PGM5: variants seen among roughly 807,000 people sequenced by gnomAD.
PGM5 encodes phosphoglucomutase-like protein 5.
A neutral mutation model predicts 59.2 loss-of-function variants in PGM5; 23 were observed. The observed-to-expected ratio is 0.39, with a 90% CI of 0.28 to 0.55. PGM5 has a LOEUF of 0.55. Among genes scored for constraint, PGM5 ranks in the 20% least tolerant of loss-of-function variants. The probability of loss-of-function intolerance (pLI) is 0.66; values close to 1 mark genes in which losing one functional copy is unlikely to be tolerated. For synonymous variants in PGM5, 214 were observed against 286.0 expected (o/e 0.75, Z 2.54); for missense variants, 574 against 748.3 (o/e 0.77, Z 2.72).
chr9:68,466,030 C>T, intron 7 of PGM5: 1 of 609,948 alleles, frequency 1.6e-6, no homozygotes, highest in South Asian at 2.0e-5. Flanking sequence ...AAATATTTCT[C>T]CTTCCCCATT....
intron 10 of PGM5, among the ~76,000 whole-genome samples, chr9:68,521,250 G>A (rs1824895989): frequency 6.6e-6 from 1 of 152,218 alleles, no homozygotes; most frequent in Non-Finnish European, 1.5e-5. Flanking sequence ...CATGAATTTG[G>A]AATAGCACTT....
chr9:68,434,076 G>A (rs1010789260), intron 6 of PGM5, among the ~76,000 whole-genome samples: 5 of 152,108 alleles, frequency 3.3e-5, no homozygotes, highest in Non-Finnish European at 7.4e-5. Context: ...CAGCACTTTG[G>A]GAGGCAGAGG....
intron 6 of PGM5, among the ~76,000 whole-genome samples, chr9:68,460,060 AG>A (rs1183283909): frequency 6.6e-6 from 1 of 152,168 alleles, no homozygotes; most frequent in Non-Finnish European, 1.5e-5. Context: ...TTGAAGATAG[AG>A]GAATGGAAGA....
chr9:68,403,867 A>G (rs11141432), intron 6 of PGM5, among the ~76,000 whole-genome samples: 10,342 of 152,258 alleles, frequency 0.068, 791 homozygotes, highest in East Asian at 0.41. Context: ...AACCCAATAC[A>G]TCTGTAATTT....
At chr9:68,441,841 A>G (rs1823533277) in intron 6 of PGM5, among the ~76,000 whole-genome samples, 1 of 149,726 alleles carries the variant, frequency 6.7e-6, no homozygotes, top group South Asian at 2.1e-4. Flanking sequence ...AATTGTCTAC[A>G]TAGAAAATCC....
intron 7 of PGM5, among the ~76,000 whole-genome samples, chr9:68,473,742 G>A (rs782729830): frequency 3.3e-5 from 5 of 152,128 alleles, no homozygotes; most frequent in African/African-American, 7.2e-5. Flanking sequence ...AGTTTCATGA[G>A]ATGTGGGACT....
At chr9:68,468,075 T>G (rs148095588) in intron 7 of PGM5, among the ~76,000 whole-genome samples, 38 of 152,082 alleles carry the variant, frequency 2.5e-4, no homozygotes, top group African/African-American at 8.9e-4. Context: ...GAATGTTTGT[T>G]ACATGAGCAA....
chr9:68,420,671 C>G lies in PGM5; in HGVS notation c.1043+28198C>G, dbSNP rs115097226. Among the ~76,000 whole-genome samples, 831 of 152,158 alleles carry G rather than the reference C, an allele frequency of 5.5e-3. 10 individuals carry two copies. Among genetic ancestry groups the G allele is most frequent in the African/African-American group, 0.018 (735 of 41,514 alleles). On this transcript the variant is annotated intron_variant, in intron 6 of 10. Coordinates refer to ENST00000396396, the MANE Select transcript of PGM5 (RefSeq NM_021965.4). ...TATTAATCTATGGCCAGATGTGGTA[C>G]CTTAGAGCCTATAGATCTTACTGTG...
intron 6 of PGM5, among the ~76,000 whole-genome samples, chr9:68,409,876 A>T (rs1171968473): frequency 6.6e-6 from 1 of 151,222 alleles, no homozygotes; most frequent in South Asian, 2.1e-4. Flanking sequence ...AAAGTATAAA[A>T]AAAAAAAAAA....
At chr9:68,528,183 C>T (rs573545668) in intron 10 of PGM5, among the ~76,000 whole-genome samples, 17 of 152,162 alleles carry the variant, frequency 1.1e-4, no homozygotes, top group Non-Finnish European at 8.8e-5. Context: ...TAATATTACC[C>T]AAACTTCTTT....
chr9:68,390,340 C>T (rs1309817736), intron 4 of PGM5, among the ~76,000 whole-genome samples: 7 of 152,098 alleles, frequency 4.6e-5, no homozygotes, highest in African/African-American at 1.4e-4. Flanking sequence ...AGCCTCATTG[C>T]CTGGTTTATA....
At chr9:68,434,644 A>C (rs923429203) in intron 6 of PGM5, among the ~76,000 whole-genome samples, 18 of 152,110 alleles carry the variant, frequency 1.2e-4, no homozygotes. Flanking sequence ...CATCTCTACT[A>C]AAAACACAAA....
chr9:68,401,031 ATTGT>A lies in PGM5; in HGVS notation c.1043+8559_1043+8562del, dbSNP rs551238754. Among the ~76,000 whole-genome samples, 277 of 152,004 alleles carry A rather than the reference ATTGT, an allele frequency of 1.8e-3. 2 individuals carry two copies. Among genetic ancestry groups the A allele is most frequent in the African/African-American group, 6.3e-3 (263 of 41,464 alleles). ...ATGCTGAGACTGGTTCAAGTCTGTAATTGTGTGTTTCTAAGAGTTGGTGTCTAAT... is the reference window on the plus strand; with the variant it reads ...ATGCTGAGACTGGTTCAAGTCTGTAAGTGTTTCTAAGAGTTGGTGTCTAAT... On this transcript the variant is annotated intron_variant, in intron 6 of 10. Coordinates refer to ENST00000396396, the MANE Select transcript of PGM5 (RefSeq NM_021965.4).
At chr9:68,483,776 A>G in intron 8 of PGM5, 89 bp from the exon 9 acceptor site, 1 of 1,219,416 alleles carries the variant, frequency 8.2e-7, no homozygotes, top group Non-Finnish European at 1.2e-6. Flanking sequence ...CCTTCCCTGG[A>G]AACAGAACCA....
rs368140946 is a variant in PGM5 at position 68,438,369 on chromosome 9, A to C, written c.1044-26724A>C. Among the ~76,000 whole-genome samples, 45 of 151,826 alleles carry C rather than the reference A, an allele frequency of 3.0e-4. 1 individual carries two copies. The South Asian group carries it at 7.7e-3, about 26-fold the overall frequency. Reference sequence around the variant, plus strand: ...TAGCTGTTTGAACATATTTTGAGACATGACTGTCAACCTCAGATGTGTATC... The same window carrying C: ...TAGCTGTTTGAACATATTTTGAGACCTGACTGTCAACCTCAGATGTGTATC... On this transcript the variant is annotated intron_variant, in intron 6 of 10. Transcript: ENST00000396396.
At chr9:68,517,745 G>A (rs186693317) in intron 10 of PGM5, among the ~76,000 whole-genome samples, 4 of 152,298 alleles carry the variant, frequency 2.6e-5, no homozygotes, top group Non-Finnish European at 5.9e-5. Flanking sequence ...CCCATATGAA[G>A]GACTTCTAAC....
At chr9:68,400,931 A>C (rs1405723059) in intron 6 of PGM5, among the ~76,000 whole-genome samples, 3 of 152,202 alleles carry the variant, frequency 2.0e-5, no homozygotes, top group Non-Finnish European at 4.4e-5. Flanking sequence ...TGAGGACTGG[A>C]TTCATTACCA....
At chr9:68,522,462 AG>A (rs1397605501) in intron 10 of PGM5, among the ~76,000 whole-genome samples, 1 of 152,198 alleles carries the variant, frequency 6.6e-6, no homozygotes, top group Non-Finnish European at 1.5e-5. Context: ...GAGAGTTCAG[AG>A]GGACCTGCTC....
chr9:68,378,209 T>A lies in PGM5; in HGVS notation c.272T>A (p.Leu91Gln). Residue 91 changes from leucine to glutamine, a missense_variant, in exon 2 of 11, where the codon CTG (leucine) becomes CAG (glutamine). By Grantham distance (113) the Leu-to-Gln change is moderately radical (BLOSUM62 -2). Around this residue, in one of 7 missense-constraint regions of PGM5, gnomAD observed 61 missense variants for 133.3 expected, o/e 0.46. Transcript: ENST00000396396. ...TTTTGGATGGTTTAGATTGGACGAC[T>A]GATTATTGGACAGAATGGCATCTTG... ...QMAAANGIGRLIIGQNGILST... is the reference protein window; with the variant it reads ...QMAAANGIGRQIIGQNGILST... 1 of 1,556,022 alleles carries A rather than the reference T, an allele frequency of 6.4e-7. No individual in the cohort carries two copies. Among genetic ancestry groups the A allele is most frequent in the Non-Finnish European group, 8.6e-7 (1 of 1,156,112 alleles).
Sources: gnomAD v4.1 joint callset for allele counts (sites outside exome capture counted in the v4.1 genomes callset) on GRCh38, gnomAD v4.1.1 for gene constraint, gnomAD v4.1.1 regional missense constraint, MANE v1.5 for transcripts, NCBI Gene and HGNC (gene_info 2026-07-23, HGNC 2026-07-21) for gene names.